The following TNC variants were observed in gnomAD, a reference collection of about 807,000 sequenced individuals.
TNC encodes tenascin.
Under a neutral mutation model 202.4 loss-of-function variants are expected in TNC, and 109 were observed. The ratio of observed to expected loss-of-function variants is 0.54; its 90% CI spans 0.46 to 0.63. The LOEUF (loss-of-function observed/expected upper bound fraction) is 0.63. Ranked by LOEUF, TNC falls within the 30% of genes least tolerant of loss-of-function variation. TNC has a pLI of 0.00. For synonymous variants in TNC, 1,007 were observed against 1,089.7 expected (o/e 0.92, Z 1.50); for missense variants, 2,756 against 2,833.3 (o/e 0.97, Z 0.62).
chr9:115,026,965 T>C (rs1412573852), intron 25 of TNC, among the ~76,000 whole-genome samples: 2 of 150,830 alleles, frequency 1.3e-5, no homozygotes, highest in Non-Finnish European at 3.0e-5. Flanking sequence ...AAAAATTAGC[T>C]GGGTGTGGTG....
chr9:115,027,404 A>G (rs1295469756), intron 25 of TNC, among the ~76,000 whole-genome samples: 1 of 152,062 alleles, frequency 6.6e-6, no homozygotes, highest in Admixed American at 6.5e-5. Context: ...AGCCTGGCCA[A>G]CATGGTGAAA....
chr9:115,114,923 A>ACACATAGCCCT (rs113422752), intron 1 of TNC: 148,835 of 152,224 alleles, frequency 0.98, 72,853 homozygotes, highest in East Asian at 1. Context: ...TACATATGTG[A>ACACATAGCCCT]CACTATTAAC....
At position 115,036,182 on chromosome 9, in the gene TNC, C is replaced by T. The variant is rs1377983935; in HGVS notation, c.5572G>A (p.Glu1858Lys). 2.5e-6 allele frequency: 4 copies of T among 1,614,092 alleles called. No homozygotes were observed. Among genetic ancestry groups the T allele is most frequent in the Admixed American group, 3.3e-5 (2 of 60,012 alleles). The change falls in exon 21 of 28, where the codon GAG (glutamate) becomes AAG (lysine). Residue 1858 changes from glutamate (E) to lysine (K), a missense_variant. By Grantham distance (56) the Glu-to-Lys change is moderately conservative (BLOSUM62 1). Transcript: ENST00000350763. The part of the protein sequence containing the change: ...NTVEYALTDL[E>K]PATEYTLRIF... ...CTCAGTGTGTATTCCGTGGCAGGCT[C>T]GAGGTCGGTCAGAGCATACTCCACT...
intron 10 of TNC, among the ~76,000 whole-genome samples, chr9:115,070,506 T>C (rs1311264963): frequency 2.6e-5 from 4 of 152,230 alleles, no homozygotes; most frequent in Admixed American, 1.3e-4. Context: ...CTGTAACCCA[T>C]GGCTGGGTCT....
chr9:115,026,013 G>C (rs1174157932), intron 26 of TNC, among the ~76,000 whole-genome samples: 1 of 152,182 alleles, frequency 6.6e-6, no homozygotes, highest in Non-Finnish European at 1.5e-5. Context: ...TGATGGAGTG[G>C]ATGGTTTGCT....
intron 16 of TNC, among the ~76,000 whole-genome samples, chr9:115,047,658 A>C (rs1050539579): frequency 1.3e-5 from 2 of 152,190 alleles, no homozygotes; most frequent in Non-Finnish European, 2.9e-5. Context: ...CTGTGGAGCT[A>C]GTAATCTCTA....
rs567434279 is a variant in TNC at position 115,062,238 on chromosome 9, C to T, written c.4033+679G>A. Among the ~76,000 whole-genome samples the T allele has an allele frequency of 3.2e-4, 49 of 152,250 alleles. No individual in the cohort carries two copies. In the South Asian group the frequency reaches 4.6e-3, roughly 14 times the overall value. ...CATTCATTAACTTATTTATTGCTCA[C>T]GACAGTTTCCTGAAGTAGGGTTCAT... On this transcript the variant is annotated intron_variant, in intron 13 of 27. Coordinates refer to ENST00000350763, the MANE Select transcript of TNC (RefSeq NM_002160.4).
At chr9:115,076,622 G>A (rs1193284403) in intron 7 of TNC, 47 bp from the exon 8 acceptor site, 3 of 1,593,286 alleles carry the variant, frequency 1.9e-6, no homozygotes, top group Non-Finnish European at 2.6e-6. Context: ...AGTCACAAGA[G>A]AGCAGGAGTC....
Position 115,019,691 on chromosome 9 carries a change from A to T in TNC, c.*1466T>A, listed in dbSNP as rs192601281. 4.6e-5 allele frequency: 7 copies of T among 152,390 alleles called. No homozygotes were observed. The highest frequency in any genetic ancestry group is 4.6e-4 in the Admixed American group (7 of 15,310). The allele number at this position is 152,390 out of a possible 1,614,324, so 9.4% of individuals were successfully genotyped here. A position where few individuals can be genotyped will look rare whatever the true frequency, so the allele number is the denominator to read the frequency against. On this transcript the variant is annotated 3_prime_UTR_variant, in exon 28 of 28. Coordinates refer to ENST00000350763, the MANE Select transcript of TNC (RefSeq NM_002160.4). The stretch of plus-strand genomic sequence containing the variant: ...ATGATGATAGCTAACATGTACTAGC[A>T]CTTAATATACACCGGGTACCATTCT...
rs992823992 is a variant in TNC at position 115,110,189 on chromosome 9, C to T, written c.-137+7793G>A. ...AAAACATAAAAAAGGATATTCTAGG[C>T]ACGAGGGAATGGCATTTACAAGGAT... On this transcript the variant is annotated intron_variant, in intron 1 of 27. Transcript: ENST00000350763. 6.6e-5 allele frequency among the ~76,000 whole-genome samples: 10 copies of T among 152,020 alleles called. No homozygotes were observed. In the East Asian group the frequency reaches 1.9e-3, roughly 29 times the overall value.
At chr9:115,091,378 G>T (rs995819345) in intron 1 of TNC, among the ~76,000 whole-genome samples, 2 of 152,128 alleles carry the variant, frequency 1.3e-5, no homozygotes, top group African/African-American at 2.4e-5. Flanking sequence ...TAAGGAGACA[G>T]AAAAATAGAG....
chr9:115,057,812 T>C (rs891167668), intron 14 of TNC, among the ~76,000 whole-genome samples: 3 of 152,254 alleles, frequency 2.0e-5, no homozygotes, highest in Non-Finnish European at 2.9e-5. Context: ...TCCAGTCTCT[T>C]GAATTGCATT....
At chr9:115,044,154 G>T (rs914046675) in intron 17 of TNC, among the ~76,000 whole-genome samples, 1 of 151,956 alleles carries the variant, frequency 6.6e-6, no homozygotes, top group East Asian at 1.9e-4. Context: ...TACCTTGTGA[G>T]TGAGAGGAGG....
intron 8 of TNC, 79 bp from the exon 9 acceptor site, chr9:115,076,200 T>C (rs1426419231): frequency 6.7e-7 from 1 of 1,499,116 alleles, no homozygotes; most frequent in Non-Finnish European, 9.3e-7. Flanking sequence ...GGCTTTGAGT[T>C]GGTCTCTGGA....
Position 115,025,730 on chromosome 9 carries a change from T to G in TNC, c.6331+804A>C, listed in dbSNP as rs930564994. Among the ~76,000 whole-genome samples the G allele has an allele frequency of 2.0e-5, 3 of 152,358 alleles. No homozygotes were observed. The East Asian group carries it at 5.8e-4, about 29-fold the overall frequency. On this transcript the variant is annotated intron_variant, in intron 26 of 27. Transcript: ENST00000350763. ...ATGGTTTTATGAGGAATAAATAAGATGAATGCAGGTGGAATATCTACAAAA... is the reference window on the plus strand; with the variant it reads ...ATGGTTTTATGAGGAATAAATAAGAGGAATGCAGGTGGAATATCTACAAAA...
rs1834834035 is a variant in TNC, at chr9:115,087,226, T to C, written c.505A>G (p.Thr169Ala). 1.2e-5 allele frequency: 19 copies of C among 1,614,212 alleles called. No homozygotes were observed. The highest frequency in any genetic ancestry group is 1.5e-5 in the Non-Finnish European group (18 of 1,180,032). The change falls in exon 3 of 28, where the codon ACT becomes GCT. Residue 169 changes from threonine (T) to alanine (A), a missense_variant. Around this residue, in one of 2 missense-constraint regions of TNC, gnomAD observed 2,559 missense variants for 2,546.0 expected, o/e 1.01. Transcript: ENST00000350763. The stretch of plus-strand genomic sequence containing the variant: ...TCGCAGACACAGCCACATCCTTCAG[T>C]GCTGAAGTTGCCCCGACCGCTACAG... Reference protein sequence around the residue: ...PFCSGRGNFSTEGCGCVCEPG... With the variant: ...PFCSGRGNFSAEGCGCVCEPG...
chr9:115,069,836 C>G (rs1342467090), intron 10 of TNC, among the ~76,000 whole-genome samples: 3 of 140,868 alleles, frequency 2.1e-5, no homozygotes, highest in Admixed American at 7.1e-5. Context: ...TCCTTCCTCC[C>G]TTCCTTCCTT....
At chr9:115,028,386 G>A (rs1245173564) in intron 25 of TNC, among the ~76,000 whole-genome samples, 2 of 152,076 alleles carry the variant, frequency 1.3e-5, no homozygotes, top group Admixed American at 6.6e-5. Flanking sequence ...GTACTTTGTA[G>A]GGGTGCTATG....
At chr9:115,067,919 T>A (rs1223836220) in intron 10 of TNC, among the ~76,000 whole-genome samples, 2 of 152,058 alleles carry the variant, frequency 1.3e-5, no homozygotes, top group Non-Finnish European at 2.9e-5. Flanking sequence ...CAGTAGTGGA[T>A]GCTACGTGTG....
Sources: gnomAD v4.1 joint callset for allele counts (sites outside exome capture counted in the v4.1 genomes callset) on GRCh38, gnomAD v4.1.1 for gene constraint, gnomAD v4.1.1 regional missense constraint, MANE v1.5 for transcripts, NCBI Gene and HGNC (gene_info 2026-07-23, HGNC 2026-07-21) for gene names.